Variants in C2CD5 observed in about 807,000 individuals in gnomAD.
The protein encoded by C2CD5 is C2 calcium dependent domain containing 5, also known as C2 domain-containing protein 5.
A neutral mutation model predicts 130.3 loss-of-function variants in C2CD5; 109 were observed. The ratio of observed to expected loss-of-function variants is 0.84; its 90% CI spans 0.72 to 0.98. The LOEUF (loss-of-function observed/expected upper bound fraction) is 0.98. C2CD5 is among the 50% of genes least tolerant of loss of function. The probability of loss-of-function intolerance (pLI) is 0.00; values close to 1 mark genes in which losing one functional copy is unlikely to be tolerated. For synonymous variants in C2CD5, 454 were observed against 429.2 expected (o/e 1.06, Z -0.71); for missense variants, 996 against 1,261.8 (o/e 0.79, Z 3.19).
chr12:22,524,627 G>A lies in C2CD5; in HGVS notation c.446C>T (p.Thr149Ile). 2.5e-6 allele frequency: 4 copies of A among 1,605,626 alleles called. No individual in the cohort carries two copies. The highest frequency in any genetic ancestry group is 3.4e-6 in the Non-Finnish European group (4 of 1,175,612). Residue 149 changes from threonine to isoleucine, a missense_variant and splice_region_variant, in exon 6 of 27, where the codon ACA (threonine) becomes ATA (isoleucine). Physicochemically the swap from Thr to Ile is moderately conservative, Grantham distance 89. Transcript: ENST00000446597. ...QSSCGVKFFC[T>I]TSIPKCYRAV... ...TCTATAGCATTTTGGAATAGACGTT[G>A]CTGTTAAAACAAATTATTATGCTTC...
chr12:22,507,165 T>C (rs1485013819), intron 9 of C2CD5, among the ~76,000 whole-genome samples: 1 of 145,518 alleles, frequency 6.9e-6, no homozygotes, highest in East Asian at 2.0e-4. Flanking sequence ...AACTGCCCTA[T>C]CCCTCTTCCC....
chr12:22,535,228 A>G, intron 3 of C2CD5, 30 bp downstream of exon 3: 1 of 1,232,168 alleles, frequency 8.1e-7, no homozygotes, highest in Non-Finnish European at 1.2e-6. Context: ...AAAAAAATAC[A>G]CTCAAAAATG....
At chr12:22,526,787 T>G (rs895671432) in intron 4 of C2CD5, among the ~76,000 whole-genome samples, 2 of 152,188 alleles carry the variant, frequency 1.3e-5, no homozygotes, top group Admixed American at 1.3e-4. Context: ...CTCTAAACAT[T>G]TACTAAATAT....
intron 26 of C2CD5, among the ~76,000 whole-genome samples, chr12:22,451,752 G>A (rs1264169130): frequency 6.6e-6 from 1 of 152,036 alleles, no homozygotes; most frequent in East Asian, 1.9e-4. Context: ...TACCTCTTGG[G>A]CATGTTAGGA....
chr12:22,490,825 C>G (rs1437740193), intron 11 of C2CD5, among the ~76,000 whole-genome samples: 1 of 151,988 alleles, frequency 6.6e-6, no homozygotes, highest in Non-Finnish European at 1.5e-5. Flanking sequence ...ATTAAACAAT[C>G]AACATAATTA....
chr12:22,507,005 A>G (rs941917853), intron 9 of C2CD5, 186 bp from the exon 10 acceptor site: 1 of 512,750 alleles, frequency 2.0e-6, no homozygotes, highest in African/African-American at 1.9e-5. Flanking sequence ...CCATTTCCCC[A>G]TATATACAAT....
chr12:22,487,178 T>A (rs1241309991), intron 12 of C2CD5, among the ~76,000 whole-genome samples: 1 of 152,070 alleles, frequency 6.6e-6, no homozygotes, highest in South Asian at 2.1e-4. Flanking sequence ...CCAAAAGCAA[T>A]GGCAACAAAA....
chr12:22,482,572 C>G lies in C2CD5; in HGVS notation c.1722G>C (p.Met574Ile). 6.2e-7 allele frequency: 1 copy of G among 1,613,562 alleles called. No individual in the cohort carries two copies. Among genetic ancestry groups the G allele is most frequent in the Non-Finnish European group, 8.5e-7 (1 of 1,179,748 alleles). ...LRIQITVGEN[M>I]LMGLASATGV... Reference sequence around the variant, plus strand: ...CTAAACTTACCGCTAAGCCCATCAACATATTTTCACCCACTGTGATCTGAA... The same window carrying G: ...CTAAACTTACCGCTAAGCCCATCAAGATATTTTCACCCACTGTGATCTGAA... Residue 574 changes from methionine to isoleucine, a missense_variant, in exon 14 of 27, where the codon ATG becomes ATC. Physicochemically the swap from Met to Ile is conservative, Grantham distance 10 (BLOSUM62 1). Transcript: ENST00000446597.
chr12:22,513,004 T>C (rs1032945205), intron 9 of C2CD5, among the ~76,000 whole-genome samples: 1 of 152,030 alleles, frequency 6.6e-6, no homozygotes, highest in Non-Finnish European at 1.5e-5. Context: ...TCCTTTCCAA[T>C]GATAAACGTA....
At chr12:22,455,562 T>C (rs1485783336) in intron 25 of C2CD5, among the ~76,000 whole-genome samples, 1 of 152,158 alleles carries the variant, frequency 6.6e-6, no homozygotes, top group Non-Finnish European at 1.5e-5. Flanking sequence ...GCACCAAATC[T>C]TTGTCAAATT....
At chr12:22,512,219 C>T (rs1467231318) in intron 9 of C2CD5, among the ~76,000 whole-genome samples, 1 of 152,132 alleles carries the variant, frequency 6.6e-6, no homozygotes, top group Non-Finnish European at 1.5e-5. Context: ...ATACTGTCAG[C>T]ATAAGGAGGG....
intron 22 of C2CD5, chr12:22,460,372 G>A (rs1182156904): frequency 1.3e-5 from 2 of 152,168 alleles, no homozygotes; most frequent in East Asian, 1.9e-4. Context: ...AAAGCACTGA[G>A]AATAATTCGG....
At chr12:22,456,358 T>C (rs557843965) in intron 25 of C2CD5, among the ~76,000 whole-genome samples, 6 of 152,322 alleles carry the variant, frequency 3.9e-5, no homozygotes, top group Admixed American at 1.3e-4. Context: ...GTAATTTTTT[T>C]AAGTTTAAAT....
intron 14 of C2CD5, among the ~76,000 whole-genome samples, chr12:22,479,003 G>A (rs1944299512): frequency 6.6e-6 from 1 of 152,148 alleles, no homozygotes; most frequent in Non-Finnish European, 1.5e-5. Context: ...CCCTGGGTAG[G>A]TGGGAGACAG....
chr12:22,515,251 G>A, intron 8 of C2CD5: 1 of 326,760 alleles, frequency 3.1e-6, no homozygotes, highest in Non-Finnish European at 4.4e-6. Flanking sequence ...CAATAAAAAT[G>A]AACTTTAAAA....
In C2CD5 at chr12:22,457,127, A is replaced by G; in HGVS notation, c.2721T>C (p.Asp907=). The G allele has an allele frequency of 6.2e-7, 1 of 1,609,646 alleles. No individual in the cohort carries two copies. The highest frequency in any genetic ancestry group is 8.5e-7 in the Non-Finnish European group (1 of 1,178,218). Residue 907 remains aspartate (D), a synonymous_variant, in exon 25 of 27, where the codon GAT becomes GAC. Transcript: ENST00000446597. Reference sequence around the variant, plus strand: ...GAGCAGAACGATTCCGGAAATTTCCATCACCCACTGGACTTGCTTTTTCAA... The same window carrying G: ...GAGCAGAACGATTCCGGAAATTTCCGTCACCCACTGGACTTGCTTTTTCAA... ...MTVEKASPVG[D]GNFRNRSAPP...
At chr12:22,467,246 T>C (rs117335824) in intron 22 of C2CD5, among the ~76,000 whole-genome samples, 4,061 of 152,290 alleles carry the variant, frequency 0.027, 67 homozygotes, top group Non-Finnish European at 0.039. Context: ...CACAGCTTAC[T>C]GTAGCCTCAA....
chr12:22,508,051 C>T (rs1948776268), intron 9 of C2CD5, among the ~76,000 whole-genome samples: 1 of 152,042 alleles, frequency 6.6e-6, no homozygotes, highest in Non-Finnish European at 1.5e-5. Context: ...TTAAAAGCAG[C>T]AAGAATTATT....
At chr12:22,501,712 TATC>T (rs1299123514) in intron 10 of C2CD5, among the ~76,000 whole-genome samples, 1 of 152,122 alleles carries the variant, frequency 6.6e-6, no homozygotes. Flanking sequence ...ATGTTGGACT[TATC>T]ATATGGTTTA....
Sources: gnomAD v4.1 joint callset for allele counts (sites outside exome capture counted in the v4.1 genomes callset) on GRCh38, gnomAD v4.1.1 for gene constraint, MANE v1.5 for transcripts, NCBI Gene and HGNC (gene_info 2026-07-23, HGNC 2026-07-21) for gene names.